The following ROBO2 variants were observed in gnomAD, a reference collection of about 807,000 sequenced individuals.
The protein encoded by ROBO2 is roundabout guidance receptor 2, also known as roundabout homolog 2.
A neutral mutation model predicts 160.8 loss-of-function variants in ROBO2; 53 were observed. That is an observed-to-expected ratio of 0.33 (90% confidence interval 0.26 to 0.41). The LOEUF is 0.41. Among genes scored for constraint, ROBO2 ranks in the 10% least tolerant of loss-of-function variants. ROBO2 has a pLI of 1.00. For missense variants in ROBO2, 1,577 were observed against 1,722.4 expected (o/e 0.92, Z 1.49); for synonymous variants, 664 against 611.7 (o/e 1.09, Z -1.26).
intron 5 of ROBO2, among the ~76,000 whole-genome samples, chr3:77,513,974 A>T (rs186309683): frequency 1.3e-5 from 2 of 151,972 alleles, no homozygotes; most frequent in Non-Finnish European, 2.9e-5. Flanking sequence ...ATTTAAGTCA[A>T]AGACTAGCAG....
At chr3:76,643,439 G>C (rs780614809) in intron 2 of ROBO2, among the ~76,000 whole-genome samples, 3 of 152,044 alleles carry the variant, frequency 2.0e-5, no homozygotes, top group Non-Finnish European at 1.5e-5. Flanking sequence ...ATGAAGATAC[G>C]ACATCCAAAC....
At chr3:76,309,620 A>G (rs1336006896) in intron 2 of ROBO2, among the ~76,000 whole-genome samples, 1 of 152,214 alleles carries the variant, frequency 6.6e-6, no homozygotes, top group Non-Finnish European at 1.5e-5. Context: ...AAGTGATAAC[A>G]TCATAAAACT....
At chr3:77,600,713 T>A (rs1268777108) in intron 19 of ROBO2, among the ~76,000 whole-genome samples, 1 of 152,188 alleles carries the variant, frequency 6.6e-6, no homozygotes, top group South Asian at 2.1e-4. Context: ...AAGGATCTAT[T>A]GTGACCAATT....
intron 2 of ROBO2, among the ~76,000 whole-genome samples, chr3:76,872,656 A>G (rs935585016): frequency 6.6e-6 from 1 of 152,066 alleles, no homozygotes; most frequent in Non-Finnish European, 1.5e-5. Context: ...AAGAAACTAT[A>G]TGGCATCAGG....
At chr3:77,576,072 G>C (rs750633774) in intron 14 of ROBO2, among the ~76,000 whole-genome samples, 2 of 152,012 alleles carry the variant, frequency 1.3e-5, no homozygotes, top group African/African-American at 4.8e-5. Flanking sequence ...TGTTCTCGCC[G>C]AGCCAGCAGC....
intron 2 of ROBO2, among the ~76,000 whole-genome samples, chr3:76,212,237 C>T (rs1703190101): frequency 6.6e-6 from 1 of 151,748 alleles, no homozygotes; most frequent in South Asian, 2.1e-4. Context: ...ATTTTACTAC[C>T]TAATGGGGAC....
chr3:76,471,413 C>T (rs1463055014), intron 2 of ROBO2, among the ~76,000 whole-genome samples: 2 of 152,052 alleles, frequency 1.3e-5, no homozygotes, highest in African/African-American at 4.8e-5. Flanking sequence ...CTGTGAATTA[C>T]TCATAAACTA....
intron 2 of ROBO2, among the ~76,000 whole-genome samples, chr3:77,454,559 C>G (rs62251063): frequency 0.053 from 8,061 of 152,292 alleles, 303 homozygotes; most frequent in Non-Finnish European, 0.075. Context: ...TGACATCACT[C>G]TAACTCTCTA....
intron 2 of ROBO2, among the ~76,000 whole-genome samples, chr3:76,524,826 TAAAAAA>T (rs58091252): frequency 0.01 from 218 of 21,556 alleles, no homozygotes; most frequent in African/African-American, 0.02. Flanking sequence ...CTCTTATTCC[TAAAAAA>T]AAAAAAAAAA....
At chr3:77,087,985 G>A (rs2069571690) in intron 1 of ROBO2, among the ~76,000 whole-genome samples, 3 of 151,950 alleles carry the variant, frequency 2.0e-5, no homozygotes, top group Admixed American at 6.6e-5. Context: ...CACAAACCAA[G>A]CCTGCACTCC....
At chr3:77,212,111 G>A (rs2084257184) in intron 2 of ROBO2, among the ~76,000 whole-genome samples, 1 of 152,178 alleles carries the variant, frequency 6.6e-6, no homozygotes, top group Non-Finnish European at 1.5e-5. Context: ...ATTCTGTGAA[G>A]AAAGTCATTG....
At chr3:77,388,994 G>A (rs9810439) in intron 2 of ROBO2, among the ~76,000 whole-genome samples, 49,062 of 152,024 alleles carry the variant, frequency 0.32, 8,188 homozygotes, top group East Asian at 0.46. Flanking sequence ...GCCCAGGCTG[G>A]AGTGCAATAG....
intron 2 of ROBO2, among the ~76,000 whole-genome samples, chr3:76,293,735 G>C (rs1559727306): frequency 6.6e-6 from 1 of 152,174 alleles, no homozygotes; most frequent in Non-Finnish European, 1.5e-5. Flanking sequence ...ACCTTTCCAG[G>C]ATTTGATAGG....
In ROBO2 at chr3:76,755,673, T is replaced by C. The variant is rs1005413834; in HGVS notation, c.110-342341T>C. 2.6e-5 allele frequency among the ~76,000 whole-genome samples: 4 copies of C among 151,906 alleles called. No homozygotes were observed. In the East Asian group the frequency reaches 5.8e-4, roughly 22 times the overall value. On this transcript the variant is annotated intron_variant, in intron 2 of 26. Transcript: ENST00000487694. ...AATGGACAATATCTTTTTTCAGTTTTGTACATAAAGCATTTATAATAATAA... is the reference window on the plus strand; with the variant it reads ...AATGGACAATATCTTTTTTCAGTTTCGTACATAAAGCATTTATAATAATAA...
At chr3:76,839,665 G>A (rs1282968993) in intron 2 of ROBO2, among the ~76,000 whole-genome samples, 1 of 152,184 alleles carries the variant, frequency 6.6e-6, no homozygotes, top group Admixed American at 6.5e-5. Flanking sequence ...TGGTATCAGG[G>A]TAACACTGGC....
At chr3:77,317,872 G>A (rs1166995862) in intron 2 of ROBO2, among the ~76,000 whole-genome samples, 1 of 60,974 alleles carries the variant, frequency 1.6e-5, no homozygotes, top group Non-Finnish European at 3.2e-5. Context: ...TGGGGGGGCT[G>A]CTGGGGGGCT....
chr3:77,154,132 A>AAG (rs138674809), intron 2 of ROBO2, among the ~76,000 whole-genome samples: 1 of 152,060 alleles, frequency 6.6e-6, no homozygotes, highest in Non-Finnish European at 1.5e-5. Context: ...TGAAAAAAAA[A>AAG]CTTGTGAGAA....
intron 2 of ROBO2, among the ~76,000 whole-genome samples, chr3:77,121,799 A>G (rs1579158736): frequency 1.3e-5 from 2 of 152,122 alleles, no homozygotes; most frequent in African/African-American, 2.4e-5. Flanking sequence ...TGAATATACT[A>G]TGTTACTCTA....
Position 76,326,820 on chromosome 3 carries a change from C to T in ROBO2, c.109+389218C>T, listed in dbSNP as rs1012792400. 6.0e-5 allele frequency among the ~76,000 whole-genome samples: 8 copies of T among 133,732 alleles called. 1 individual carries two copies. Among genetic ancestry groups the T allele is most frequent in the Middle Eastern group, 3.8e-3 (1 of 260 alleles). The allele number at this position is 133,732 out of a possible 152,430, so 87.7% of individuals were successfully genotyped here. A position where few individuals can be genotyped will look rare whatever the true frequency, so the allele number is the denominator to read the frequency against. ...GAGCGTGATGTTCCCCTTCCTGTGT[C>T]CATGTGATCTCGTTGTTCAATTCCC... On this transcript the variant is annotated intron_variant, in intron 2 of 26. Transcript: ENST00000487694.
Sources: gnomAD v4.1 joint callset for allele counts (sites outside exome capture counted in the v4.1 genomes callset) on GRCh38, gnomAD v4.1.1 for gene constraint, MANE v1.5 for transcripts, NCBI Gene and HGNC (gene_info 2026-07-23, HGNC 2026-07-21) for gene names.